The following RILPL1 variants were observed in gnomAD, a reference collection of about 807,000 sequenced individuals.
RILPL1 encodes the protein RILP-like protein 1.
RILPL1 carries 33 observed loss-of-function variants against 50.3 expected under a neutral mutation model. The ratio of observed to expected loss-of-function variants is 0.66; its 90% CI spans 0.50 to 0.88. The LOEUF (loss-of-function observed/expected upper bound fraction) is 0.88, where lower values mean the gene tolerates loss of function less well. Ranked by LOEUF, RILPL1 falls within the 40% of genes least tolerant of loss-of-function variation. The pLI is 0.00. For synonymous variants in RILPL1, 205 were observed against 228.6 expected, an observed-to-expected ratio of 0.90 and a Z score of 0.93; for missense variants, 418 against 542.5, an observed-to-expected ratio of 0.77 and a Z score of 2.28.
At chr12:123,531,667 C>T (rs1288238707) in intron 1 of RILPL1, among the ~76,000 whole-genome samples, 1 of 152,222 alleles carries the variant, frequency 6.6e-6, no homozygotes, top group Non-Finnish European at 1.5e-5. Context: ...TGGGCAGGCT[C>T]TGTCCTGAAC....
rs530026349 is a variant in RILPL1, at chr12:123,471,335, G to A, written c.*1203C>T. 3 of 152,240 alleles carry A rather than the reference G, an allele frequency of 2.0e-5. No individual in the cohort carries two copies. Among genetic ancestry groups the A allele is most frequent in the Non-Finnish European group, 2.9e-5 (2 of 68,122 alleles). 9.4% of individuals were successfully genotyped at this position (152,240 alleles called of 1,614,324 possible). ...GACCCACCTGCCTCGGCCTCCCAAA[G>A]TGCTGGGATAGCAGGCGTGAGCCAC... is the stretch of plus-strand genomic sequence containing the variant. On this transcript the variant is annotated 3_prime_UTR_variant, in exon 7 of 7. Coordinates refer to ENST00000376874, the MANE Select transcript of RILPL1 (RefSeq NM_178314.5).
At chr12:123,531,870 T>C (rs549166195) in intron 1 of RILPL1, among the ~76,000 whole-genome samples, 1 of 152,242 alleles carries the variant, frequency 6.6e-6, no homozygotes, top group Admixed American at 6.5e-5. Context: ...CTAGGAGTCT[T>C]GAAATTAATT....
At chr12:123,476,548 T>C (rs961197491) in intron 6 of RILPL1, among the ~76,000 whole-genome samples, 5 of 151,898 alleles carry the variant, frequency 3.3e-5, no homozygotes, top group African/African-American at 1.2e-4. Flanking sequence ...GGTATCCTTA[T>C]AAAAGGGGGA....
chr12:123,487,592 C>T (rs1041256694), intron 4 of RILPL1, among the ~76,000 whole-genome samples: 2 of 152,196 alleles, frequency 1.3e-5, no homozygotes, highest in African/African-American at 4.8e-5. Context: ...CAGGGGTGGG[C>T]CACCCCGCCA....
intron 2 of RILPL1, among the ~76,000 whole-genome samples, chr12:123,511,875 TTG>T (rs374249383): frequency 1.5e-4 from 16 of 105,368 alleles, no homozygotes; most frequent in Middle Eastern, 7.4e-3. Flanking sequence ...TGTGTGAGGT[TTG>T]TGTGTGTGTG....
At position 123,470,345 on chromosome 12, in the gene RILPL1, C is replaced by T. The variant is rs756634573; in HGVS notation, c.*2193G>A. 1.3e-5 allele frequency: 2 copies of T among 150,964 alleles called. No individual in the cohort carries two copies. Among genetic ancestry groups the T allele is most frequent in the Non-Finnish European group, 2.9e-5 (2 of 67,838 alleles). The allele number at this position is 150,964 out of a possible 1,614,324, so 9.4% of individuals were successfully genotyped here. On this transcript the variant is annotated 3_prime_UTR_variant, in exon 7 of 7. Transcript: ENST00000376874. Reference sequence around the variant, plus strand: ...ATAATTAGCTGGGCATGGTGGTGCACATCAGTAGTACCAGCTACTTGGGAG... The same window carrying T: ...ATAATTAGCTGGGCATGGTGGTGCATATCAGTAGTACCAGCTACTTGGGAG...
At chr12:123,483,113 G>T (rs76268319) in intron 6 of RILPL1, among the ~76,000 whole-genome samples, 1 of 152,244 alleles carries the variant, frequency 6.6e-6, no homozygotes, top group Non-Finnish European at 1.5e-5. Flanking sequence ...AAAGTTTCTT[G>T]TGGGTTTTGG....
chr12:123,510,875 AGTGT>A (rs1366316589), intron 2 of RILPL1, among the ~76,000 whole-genome samples: 1 of 64,950 alleles, frequency 1.5e-5, no homozygotes, highest in South Asian at 5.6e-4. Flanking sequence ...GTCTGTGTGC[AGTGT>A]GTGTGTGAGG....
At chr12:123,475,528 A>G in intron 6 of RILPL1, 2 of 660,134 alleles carry the variant, frequency 3.0e-6, no homozygotes, top group Non-Finnish European at 5.5e-6. Context: ...CTCAACATCC[A>G]CGTCAAATGG....
intron 6 of RILPL1, among the ~76,000 whole-genome samples, chr12:123,478,463 ACTCCCCG>A (rs1881744106): frequency 1.3e-5 from 2 of 151,604 alleles, no homozygotes; most frequent in South Asian, 4.2e-4. Flanking sequence ...GCTGGTTTTA[ACTCCCCG>A]CTCCCCGCCA....
Position 123,533,022 on chromosome 12 carries a change from A to C in RILPL1, c.309+152T>G, listed in dbSNP as rs28478308. On this transcript the variant is annotated intron_variant, in intron 1 of 6. Coordinates refer to ENST00000376874, the MANE Select transcript of RILPL1 (RefSeq NM_178314.5). The surrounding 1 kb of genome is among the most constrained non-coding windows in gnomAD (Gnocchi z 6.2). ...CAGCCACCCCTGGTCGGGCAAAAGA[A>C]GGCCAGGGCCTCCCTCCCTCCCCAC... 0.56 allele frequency among the ~76,000 whole-genome samples: 84,117 copies of C among 151,526 alleles called. 25,344 individuals carry two copies. The highest frequency in any genetic ancestry group is 0.89 in the East Asian group (4,551 of 5,138).
In RILPL1 at chr12:123,484,305, G is replaced by C; in HGVS notation, c.975-33C>G. 3 of 1,400,096 alleles carry C rather than the reference G, an allele frequency of 2.1e-6. No homozygotes were observed. The South Asian group carries it at 3.5e-5, about 16-fold the overall frequency. The allele number at this position is 1,400,096 out of a possible 1,614,324, so 86.7% of individuals were successfully genotyped here. On this transcript the variant is annotated intron_variant, in intron 5 of 6. Transcript: ENST00000376874. ...GAGATGAGAGGCGTGAGATAAAAGA[G>C]TCAAAAGTTCCTTGAGAACTGGAAC... is the stretch of plus-strand genomic sequence containing the variant.
intron 6 of RILPL1, among the ~76,000 whole-genome samples, chr12:123,482,151 C>T (rs1467814311): frequency 2.0e-5 from 3 of 152,106 alleles, no homozygotes; most frequent in Non-Finnish European, 4.4e-5. Context: ...GGATTACAGG[C>T]GTGAGCTACT....
rs561221344 is a variant in RILPL1 at position 123,524,789 on chromosome 12, T to C, written c.310-1144A>G. On this transcript the variant is annotated intron_variant, in intron 1 of 6. Transcript: ENST00000376874. ...AGAGTGCTAGAGGGGAGACGAGGAA[T>C]GACTGGGAATAGGTACGGAGTTTCT... 2.6e-5 allele frequency among the ~76,000 whole-genome samples: 4 copies of C among 152,278 alleles called. No homozygotes were observed. The South Asian group carries it at 8.3e-4, about 32-fold the overall frequency.
rs978972425 is a variant in RILPL1, at chr12:123,471,151, A to T, written c.*1387T>A. ...AATGGCACGATCTAGGCTCACTGCA[A>T]CCTCTGCCTCCTAGGTTCAAGGAAT... On this transcript the variant is annotated 3_prime_UTR_variant, in exon 7 of 7. Transcript: ENST00000376874. 6.6e-6 allele frequency: 1 copy of T among 150,444 alleles called. No individual in the cohort carries two copies. The highest frequency in any genetic ancestry group is 1.5e-5 in the Non-Finnish European group (1 of 67,772). The allele number at this position is 150,444 out of a possible 1,614,324, so 9.3% of individuals were successfully genotyped here.
In RILPL1 at chr12:123,521,612, C is replaced by T. The variant is rs190300101; in HGVS notation, c.460+1883G>A. Among the ~76,000 whole-genome samples the T allele has an allele frequency of 6.0e-3, 291 of 48,516 alleles. 8 individuals are homozygous for T. The highest frequency in any genetic ancestry group is 0.021 in the African/African-American group (271 of 13,134). The allele number at this position is 48,516 out of a possible 152,430, so 31.8% of individuals were successfully genotyped here. On this transcript the variant is annotated intron_variant, in intron 2 of 6. Transcript: ENST00000376874. ...ATATATATATTAATATATATACACA[C>T]ATATGTGTATATATATACACACATA...
chr12:123,531,410 A>T (rs955276617), intron 1 of RILPL1, among the ~76,000 whole-genome samples: 3 of 151,908 alleles, frequency 2.0e-5, no homozygotes, highest in African/African-American at 7.3e-5. Context: ...CAGTTGGGGG[A>T]CAGTATAGGT....
chr12:123,496,901 T>G (rs986937159), intron 4 of RILPL1, among the ~76,000 whole-genome samples: 14 of 152,236 alleles, frequency 9.2e-5, no homozygotes, highest in African/African-American at 3.4e-4. Flanking sequence ...CCGGATCATT[T>G]CCATCGTCCC....
rs986261368 is a variant in RILPL1, at chr12:123,528,617, C to T, written c.309+4557G>A. On this transcript the variant is annotated intron_variant, in intron 1 of 6. Transcript: ENST00000376874. ...TAATTTTTTGTATTTTTAGTAGAGA[C>T]GGGGTTTCACCGTGTTAGCCAGGAT... Among the ~76,000 whole-genome samples, 12 of 151,716 alleles carry T rather than the reference C, an allele frequency of 7.9e-5. No homozygotes were observed. The East Asian group carries it at 1.6e-3, about 20-fold the overall frequency.
Sources: gnomAD v4.1 joint callset for allele counts (sites outside exome capture counted in the v4.1 genomes callset) on GRCh38, gnomAD v4.1.1 for gene constraint, Gnocchi (gnomAD v3.1) non-coding constraint, MANE v1.5 for transcripts, NCBI Gene and HGNC (gene_info 2026-07-23, HGNC 2026-07-21) for gene names.